TRPC1: variants seen among roughly 807,000 people sequenced by gnomAD.
TRPC1 encodes the protein short transient receptor potential channel 1.
In TRPC1, 42 loss-of-function variants were observed where a neutral mutation model predicts 88.2. That is an observed-to-expected ratio of 0.48 (90% CI 0.37 to 0.62). TRPC1 has a LOEUF of 0.62. Ranked by LOEUF, TRPC1 falls within the 20% of genes least tolerant of loss-of-function variation. The pLI is 0.00. For missense variants in TRPC1, 699 were observed against 957.3 expected (o/e 0.73, Z 3.56); for synonymous variants, 288 against 331.8 (o/e 0.87, Z 1.43).
intron 7 of TRPC1, 146 bp from the exon 8 acceptor site, chr3:142,790,873 T>C (rs1455331142): frequency 3.1e-6 from 2 of 638,516 alleles, no homozygotes; most frequent in African/African-American, 2.0e-5. Flanking sequence ...TTAAGAACTT[T>C]TCACTAAAAT....
At chr3:142,748,113 T>G in intron 3 of TRPC1, 145 bp from the exon 4 acceptor site, 1 of 750,536 alleles carries the variant, frequency 1.3e-6, no homozygotes, top group Non-Finnish European at 2.1e-6. Flanking sequence ...AAAGAAAAAT[T>G]TAGTCCAAGC....
chr3:142,737,236 T>A, intron 2 of TRPC1, among the ~76,000 whole-genome samples: 1 of 150,820 alleles, frequency 6.6e-6, no homozygotes, highest in Admixed American at 6.6e-5. Context: ...TTTTTCTTAA[T>A]GAGGCACATT....
At chr3:142,745,585 A>G (rs1934515308) in intron 3 of TRPC1, among the ~76,000 whole-genome samples, 1 of 152,202 alleles carries the variant, frequency 6.6e-6, no homozygotes, top group South Asian at 2.1e-4. Context: ...TGGAGGTTGC[A>G]GTGAGCTGAG....
intron 4 of TRPC1, among the ~76,000 whole-genome samples, chr3:142,769,958 A>C (rs116651155): frequency 6.6e-6 from 1 of 151,924 alleles, no homozygotes; most frequent in African/African-American, 2.4e-5. Flanking sequence ...TGTTCTCTCC[A>C]TTATTGAAGG....
intron 5 of TRPC1, 103 bp from the exon 6 acceptor site, chr3:142,780,731 C>T (rs1179207429): frequency 1.7e-6 from 2 of 1,165,594 alleles, no homozygotes; most frequent in African/African-American, 1.6e-5. Flanking sequence ...TTGTGTAACA[C>T]TGTCAGAATT....
At chr3:142,752,976 A>G (rs1194015574) in intron 4 of TRPC1, among the ~76,000 whole-genome samples, 1 of 152,186 alleles carries the variant, frequency 6.6e-6, no homozygotes, top group Non-Finnish European at 1.5e-5. Flanking sequence ...CAGCAAAGCA[A>G]TTGTTTAAAG....
At position 142,806,035 on chromosome 3, in the gene TRPC1, G is replaced by A; in HGVS notation, c.2182G>A (p.Asp728Asn). The change falls in exon 13 of 13, where the codon GAT becomes AAT. Residue 728 changes from aspartate to asparagine, a missense_variant. Coordinates refer to ENST00000476941, the MANE Select transcript of TRPC1 (RefSeq NM_001251845.2). ...ATGGAGGAATTTGAAACAGAAGAGA[G>A]ATGAAAACTATCAAAAAGTGATGTG... Reference protein sequence around the residue: ...KEWRNLKQKRDENYQKVMCCL... With the variant: ...KEWRNLKQKRNENYQKVMCCL... The A allele has an allele frequency of 6.2e-7, 1 of 1,613,644 alleles. No individual in the cohort carries two copies. Among genetic ancestry groups the A allele is most frequent in the Non-Finnish European group, 8.5e-7 (1 of 1,179,726 alleles).
rs367567951 is a variant in TRPC1, at chr3:142,804,091, C to T, written c.1872C>T (p.Val624=). 7.9e-5 allele frequency: 128 copies of T among 1,613,766 alleles called. No individual in the cohort carries two copies. Among genetic ancestry groups the T allele is most frequent in the Non-Finnish European group, 9.8e-5 (116 of 1,179,930 alleles). The part of the protein sequence containing the change: ...GEELQSFVGA[V]IVGTYNVVVV... ...AACTGCAGTCCTTTGTGGGAGCTGT[C>T]ATTGTTGGTACATACAATGTCGTGG... Residue 624 remains valine (V), a synonymous_variant, in exon 11 of 13, where the codon GTC becomes GTT. Transcript: ENST00000476941.
rs41265483 is a variant in TRPC1 at position 142,792,620 on chromosome 3, A to C, written c.1438-204A>C. 0.05 allele frequency among the ~76,000 whole-genome samples: 7,614 copies of C among 152,062 alleles called. 248 individuals are homozygous for C. The highest frequency in any genetic ancestry group is 0.14 in the East Asian group (724 of 5,182). On this transcript the variant is annotated intron_variant, in intron 8 of 12. Coordinates refer to ENST00000476941, the MANE Select transcript of TRPC1 (RefSeq NM_001251845.2). This position sits in a 1 kb window ranked among gnomAD's most constrained non-coding sequence, Gnocchi z 4.0. Reference sequence around the variant, plus strand: ...TTTCTGGAAAAACCTCTTCATATAGAGTGATAATGCCTCACATACATAATA... The same window carrying C: ...TTTCTGGAAAAACCTCTTCATATAGCGTGATAATGCCTCACATACATAATA...
At chr3:142,798,730 G>GT (rs1936524891) in intron 9 of TRPC1, among the ~76,000 whole-genome samples, 1 of 152,308 alleles carries the variant, frequency 6.6e-6, no homozygotes, top group South Asian at 2.1e-4. Flanking sequence ...TGCAAAGGAG[G>GT]TTTTTGAGCC....
chr3:142,745,362 T>C (rs1425177546), intron 3 of TRPC1, among the ~76,000 whole-genome samples: 1 of 152,164 alleles, frequency 6.6e-6, no homozygotes, highest in East Asian at 1.9e-4. Flanking sequence ...GATTAAATCT[T>C]AGTGTTGGCA....
intron 3 of TRPC1, among the ~76,000 whole-genome samples, chr3:142,747,494 A>C (rs13325615): frequency 0.03 from 4,510 of 152,156 alleles, 237 homozygotes; most frequent in African/African-American, 0.1. Flanking sequence ...CCAGCTCTAG[A>C]GTAATACAAA....
intron 2 of TRPC1, among the ~76,000 whole-genome samples, chr3:142,739,839 A>C (rs563438278): frequency 4.6e-4 from 70 of 152,326 alleles, no homozygotes; most frequent in South Asian, 2.1e-3. Flanking sequence ...GCTGTAAGAA[A>C]AACAGTGGCT....
chr3:142,771,600 A>G (rs11717993), intron 4 of TRPC1, among the ~76,000 whole-genome samples: 46,921 of 152,080 alleles, frequency 0.31, 9,159 homozygotes, highest in African/African-American at 0.57. Flanking sequence ...CTAACCCAAG[A>G]AAATATTGTT....
At chr3:142,794,354 A>G (rs1936391015) in intron 9 of TRPC1, among the ~76,000 whole-genome samples, 1 of 152,202 alleles carries the variant, frequency 6.6e-6, no homozygotes, top group East Asian at 1.9e-4. Flanking sequence ...AAAGTATAAT[A>G]TTTTTTAGGA....
chr3:142,731,379 T>TA (rs1166139310), intron 1 of TRPC1, among the ~76,000 whole-genome samples: 5 of 81,934 alleles, frequency 6.1e-5, no homozygotes, highest in African/African-American at 2.8e-4. Flanking sequence ...TTTTGATTTT[T>TA]TTTTTTTTTT....
intron 9 of TRPC1, among the ~76,000 whole-genome samples, chr3:142,797,585 C>T (rs1257637753): frequency 3.9e-5 from 6 of 152,122 alleles, no homozygotes; most frequent in African/African-American, 1.4e-4. Flanking sequence ...ACTAATATTA[C>T]AAATGAATGA....
At chr3:142,768,696 A>G (rs548252724) in intron 4 of TRPC1, among the ~76,000 whole-genome samples, 2 of 152,100 alleles carry the variant, frequency 1.3e-5, no homozygotes, top group South Asian at 4.2e-4. Flanking sequence ...CTTTGTGTTA[A>G]AAAAGTATAC....
Position 142,792,623 on chromosome 3 carries a change from G to A in TRPC1, c.1438-201G>A, listed in dbSNP as rs906999764. On this transcript the variant is annotated intron_variant, in intron 8 of 12. Coordinates refer to ENST00000476941, the MANE Select transcript of TRPC1 (RefSeq NM_001251845.2). The surrounding 1 kb of genome is among the most constrained non-coding windows in gnomAD (Gnocchi z 4.0). ...CTGGAAAAACCTCTTCATATAGAGTGATAATGCCTCACATACATAATAATA... is the reference window on the plus strand; with the variant it reads ...CTGGAAAAACCTCTTCATATAGAGTAATAATGCCTCACATACATAATAATA... Among the ~76,000 whole-genome samples the A allele has an allele frequency of 6.6e-6, 1 of 151,770 alleles. No individual in the cohort carries two copies. Among genetic ancestry groups the A allele is most frequent in the Non-Finnish European group, 1.5e-5 (1 of 67,872 alleles).
Sources: gnomAD v4.1 joint callset for allele counts (sites outside exome capture counted in the v4.1 genomes callset) on GRCh38, gnomAD v4.1.1 for gene constraint, Gnocchi (gnomAD v3.1) non-coding constraint, MANE v1.5 for transcripts, NCBI Gene and HGNC (gene_info 2026-07-23, HGNC 2026-07-21) for gene names.